GCNT2: variants seen among roughly 807,000 people sequenced by gnomAD.
The protein encoded by GCNT2 is glucosaminyl (N-acetyl) transferase 2 (I blood group).
Under a neutral mutation model 34.2 loss-of-function variants are expected in GCNT2, and 34 were observed. The ratio of observed to expected loss-of-function variants is 1.00; its 90% CI spans 0.76 to 1.32. The LOEUF (loss-of-function observed/expected upper bound fraction) is 1.32, where lower values mean the gene tolerates loss of function less well. Ranked by LOEUF, GCNT2 falls within the 40% of genes most tolerant of loss-of-function variation. The probability of loss-of-function intolerance (pLI) is 0.00; values close to 1 mark genes in which losing one functional copy is unlikely to be tolerated. For missense variants in GCNT2, 584 were observed against 489.4 expected (o/e 1.19, Z -1.82); for synonymous variants, 212 against 188.0 (o/e 1.13, Z -1.04).
intron 3 of GCNT2, among the ~76,000 whole-genome samples, chr6:10,552,994 T>A (rs1477086968): frequency 6.6e-6 from 1 of 152,156 alleles, no homozygotes; most frequent in Non-Finnish European, 1.5e-5. Flanking sequence ...TTTAACAAAC[T>A]CTCTCTGAGC....
intron 3 of GCNT2, among the ~76,000 whole-genome samples, chr6:10,588,523 A>C (rs1764452575): frequency 6.6e-6 from 1 of 152,164 alleles, no homozygotes; most frequent in Non-Finnish European, 1.5e-5. Flanking sequence ...GTGTGGCCTG[A>C]AGTGTGAGCC....
intron 3 of GCNT2, among the ~76,000 whole-genome samples, chr6:10,580,501 C>T (rs75728818): frequency 2.6e-5 from 4 of 151,994 alleles, no homozygotes; most frequent in East Asian, 1.9e-4. Context: ...TCCTGCATCT[C>T]GCTTGTGGCC....
At chr6:10,602,992 A>C (rs1335931126) in intron 3 of GCNT2, among the ~76,000 whole-genome samples, 1 of 152,246 alleles carries the variant, frequency 6.6e-6, no homozygotes, top group Non-Finnish European at 1.5e-5. Flanking sequence ...TGCCACCTGA[A>C]ATGCAAAATA....
At chr6:10,599,924 C>T (rs909288398) in intron 3 of GCNT2, among the ~76,000 whole-genome samples, 1 of 152,142 alleles carries the variant, frequency 6.6e-6, no homozygotes, top group African/African-American at 2.4e-5. Context: ...GAAACTCAGG[C>T]TCCTTCAGGA....
Position 10,621,345 on chromosome 6 carries a change from T to C in GCNT2, c.926-6T>C, listed in dbSNP as rs922263636. 6 of 1,582,306 alleles carry C rather than the reference T, an allele frequency of 3.8e-6. No homozygotes were observed. Among genetic ancestry groups the C allele is most frequent in the African/African-American group, 2.7e-5 (2 of 74,304 alleles). ...TCTCTACGCTTCTTCTTTATCAACA[T>C]TGCAGGTGTTCCTGGCTCTATGCCA... is the stretch of plus-strand genomic sequence containing the variant. On this transcript the variant is annotated splice_polypyrimidine_tract_variant and splice_region_variant and intron_variant, in intron 3 of 4. Coordinates refer to ENST00000495262, the MANE Select transcript of GCNT2 (RefSeq NM_145649.5).
chr6:10,582,439 TTTA>T (rs1246858426), intron 3 of GCNT2, among the ~76,000 whole-genome samples: 2 of 126,922 alleles, frequency 1.6e-5, no homozygotes, highest in East Asian at 2.1e-4. Flanking sequence ...TAATTTAATA[TTTA>T]TTATATAATA....
At chr6:10,581,896 A>G in intron 3 of GCNT2, 2 of 983,318 alleles carry the variant, frequency 2.0e-6, no homozygotes, top group Non-Finnish European at 2.4e-6. Flanking sequence ...AAAATGGGTT[A>G]TTGGATTGTT....
At chr6:10,529,958 T>TA (rs200010522) in intron 3 of GCNT2, 122 bp downstream of exon 3, 1,423 of 789,106 alleles carry the variant, frequency 1.8e-3, no homozygotes, top group East Asian at 4.0e-3. Flanking sequence ...AATGTCAAAT[T>TA]AAAAAAAAAA....
Position 10,629,128 on chromosome 6 carries a change from C to G in GCNT2, c.*2521C>G, listed in dbSNP as rs190656787. The G allele has an allele frequency of 1.3e-5, 2 of 152,590 alleles. No individual in the cohort carries two copies. Among genetic ancestry groups the G allele is most frequent in the Non-Finnish European group, 2.9e-5 (2 of 68,020 alleles). The allele number at this position is 152,590 out of a possible 1,614,324, so 9.5% of individuals were successfully genotyped here. ...AATGACAGCACCTGAGAAGAGGAAC[C>G]GTTTTACACTGGATGTTTCTCATGT... On this transcript the variant is annotated 3_prime_UTR_variant, in exon 5 of 5. Coordinates refer to ENST00000495262, the MANE Select transcript of GCNT2 (RefSeq NM_145649.5).
intron 3 of GCNT2, among the ~76,000 whole-genome samples, chr6:10,534,844 G>C (rs982700656): frequency 6.6e-5 from 10 of 152,250 alleles, no homozygotes; most frequent in Admixed American, 3.3e-4. Flanking sequence ...CTGGGCAACA[G>C]AGTGAGACTC....
Position 10,563,756 on chromosome 6 carries a change from GAAAA to G in GCNT2, c.925+33939_925+33942del, listed in dbSNP as rs55761102. On this transcript the variant is annotated intron_variant, in intron 3 of 4. Coordinates refer to ENST00000495262, the MANE Select transcript of GCNT2 (RefSeq NM_145649.5). Reference sequence around the variant, plus strand: ...GACTCCATCTCAAAAAAAGAAAAAAGAAAAAAAAAAAAAAAAAAAAAATATATAT... The same window carrying G: ...GACTCCATCTCAAAAAAAGAAAAAAGAAAAAAAAAAAAAAAAAATATATAT... Among the ~76,000 whole-genome samples the G allele has an allele frequency of 7.5e-3, 417 of 55,678 alleles. 1 individual carries two copies. Among genetic ancestry groups the G allele is most frequent in the African/African-American group, 0.018 (338 of 18,598 alleles). The allele number at this position is 55,678 out of a possible 152,430, so 36.5% of individuals were successfully genotyped here.
At position 10,582,396 on chromosome 6, in the gene GCNT2, T is replaced by TA. The variant is rs1273275863; in HGVS notation, c.926-38954dup. 2.3e-4 allele frequency among the ~76,000 whole-genome samples: 28 copies of TA among 121,740 alleles called. 1 individual carries two copies. The highest frequency in any genetic ancestry group is 9.6e-4 in the African/African-American group (28 of 29,308). 79.9% of individuals were successfully genotyped at this position (121,740 alleles called of 152,430 possible). The stretch of plus-strand genomic sequence containing the variant: ...CTATAATTTAATATTTATTATATAC[T>TA]ATAATAAATAGTATAATATTTATTA... On this transcript the variant is annotated intron_variant, in intron 3 of 4. Coordinates refer to ENST00000495262, the MANE Select transcript of GCNT2 (RefSeq NM_145649.5).
At chr6:10,543,630 T>G (rs2113601316) in intron 3 of GCNT2, among the ~76,000 whole-genome samples, 1 of 152,328 alleles carries the variant, frequency 6.6e-6, no homozygotes, top group East Asian at 1.9e-4. Flanking sequence ...CTTTTTTAGT[T>G]TAGCCCTTCT....
Position 10,560,271 on chromosome 6 carries a change from G to A in GCNT2, c.925+30435G>A, listed in dbSNP as rs549623277. ...GCCCGGTTAATTTTTTTGTATTTTA[G>A]TAGAGACGGGGTTTCACCATGTTGC... On this transcript the variant is annotated intron_variant, in intron 3 of 4. Coordinates refer to ENST00000495262, the MANE Select transcript of GCNT2 (RefSeq NM_145649.5). Among the ~76,000 whole-genome samples the A allele has an allele frequency of 1.2e-4, 18 of 149,060 alleles. No individual in the cohort carries two copies. The South Asian group carries it at 3.0e-3, about 25-fold the overall frequency.
At chr6:10,523,989 AAAAAC>A (rs1294131605) in intron 1 of GCNT2, among the ~76,000 whole-genome samples, 5 of 149,878 alleles carry the variant, frequency 3.3e-5, no homozygotes, top group African/African-American at 1.2e-4. Flanking sequence ...AAAAAAAAAA[AAAAAC>A]CAAGACTAAG....
intron 2 of GCNT2, 191 bp from the exon 3 acceptor site, chr6:10,528,440 G>C (rs1183078892): frequency 9.9e-6 from 2 of 201,616 alleles, no homozygotes; most frequent in Non-Finnish European, 2.0e-5. Flanking sequence ...TCAGGCTGTT[G>C]AACACAATGA....
chr6:10,597,589 G>A (rs1764912137), intron 3 of GCNT2, among the ~76,000 whole-genome samples: 1 of 151,860 alleles, frequency 6.6e-6, no homozygotes, highest in African/African-American at 2.4e-5. Flanking sequence ...AGAATCTCTG[G>A]GTGTCTCCAA....
chr6:10,545,625 G>A (rs1409515413), intron 3 of GCNT2, among the ~76,000 whole-genome samples: 1 of 152,134 alleles, frequency 6.6e-6, no homozygotes, highest in African/African-American at 2.4e-5. Context: ...TTTCATGAAG[G>A]GTAAATCAGT....
intron 3 of GCNT2, among the ~76,000 whole-genome samples, chr6:10,590,338 G>T (rs948956755): frequency 6.6e-6 from 1 of 151,196 alleles, no homozygotes; most frequent in Non-Finnish European, 1.5e-5. Context: ...AATCAAGGCT[G>T]CAGTGAGCAT....
Sources: allele counts gnomAD v4.1 joint callset (sites outside exome capture counted in the v4.1 genomes callset), GRCh38; gene constraint gnomAD v4.1.1; transcripts MANE v1.5; gene names NCBI Gene and HGNC (gene_info 2026-07-23, HGNC 2026-07-21).